Variants in MED12 observed in about 807,000 individuals in gnomAD.
MED12 encodes the protein mediator complex subunit 12.
MED12 carries 10 observed loss-of-function variants against 177.7 expected under a neutral mutation model. The observed-to-expected ratio is 0.06, with a 90% CI of 0.03 to 0.10. MED12 has a LOEUF of 0.10. Among genes scored for constraint, MED12 ranks in the 10% least tolerant of loss-of-function variants. MED12 has a pLI of 1.00. For missense variants in MED12, 867 were observed against 1,780.8 expected (o/e 0.49, Z 9.23); for synonymous variants, 641 against 678.4 (o/e 0.94, Z 0.86).
chrX:71,119,041 G>A, intron 1 of MED12, among the ~76,000 whole-genome samples, 188 bp downstream of exon 1: 1 of 108,511 alleles, frequency 9.2e-6, no homozygotes, highest in Middle Eastern at 4.7e-3. Flanking sequence ...GGTATGAATA[G>A]GGGGTGGTGT....
chrX:71,123,032 T>C lies in MED12; in HGVS notation c.1486-63T>C. 2.5e-6 allele frequency: 3 copies of C among 1,194,461 alleles called. No homozygotes were observed. The South Asian group carries it at 5.3e-5, about 21-fold the overall frequency. Reference sequence around the variant, plus strand: ...ATGATAGAGCCCAGTCTTTAGGAAATTGGAACTCATTTCTTTGTCCCCACC... The same window carrying C: ...ATGATAGAGCCCAGTCTTTAGGAAACTGGAACTCATTTCTTTGTCCCCACC... On this transcript the variant is annotated intron_variant, in intron 10 of 44. Transcript: ENST00000374080.
At chrX:71,133,577 G>A (rs893130870) in intron 33 of MED12, among the ~76,000 whole-genome samples, 6 of 110,507 alleles carry the variant, frequency 5.4e-5, no homozygotes, top group Admixed American at 3.8e-4. Context: ...CAAATGATCC[G>A]TCTGTCTCGG....
intron 24 of MED12, 179 bp from the exon 25 acceptor site, chrX:71,128,935 C>T (rs2092309894): frequency 1.6e-5 from 9 of 556,582 alleles, no homozygotes; most frequent in South Asian, 7.7e-5. Context: ...CCTTCAACTG[C>T]GTAACAGTTC....
Position 71,134,403 on chromosome X carries a change from C to T in MED12, c.4664C>T (p.Thr1555Met), listed in dbSNP as rs1436223575. The T allele has an allele frequency of 1.7e-6, 2 of 1,169,562 alleles. No individual in the cohort carries two copies. Among genetic ancestry groups the T allele is most frequent in the Non-Finnish European group, 2.3e-6 (2 of 872,336 alleles). The change falls in exon 34 of 45, where the codon ACG becomes ATG. Residue 1555 changes from threonine to methionine, a missense_variant. By Grantham distance (81) the Thr-to-Met change is moderately conservative. Around this residue, in one of 14 missense-constraint regions of MED12, gnomAD observed 34 missense variants for 58.9 expected, o/e 0.58. Transcript: ENST00000374080. Reference protein sequence around the residue: ...DTVQRSTQQTTEWAMLLLEII... With the variant: ...DTVQRSTQQTMEWAMLLLEII... Reference sequence around the variant, plus strand: ...GTGCAGCGCAGCACCCAGCAGACCACGGAGTGGGCCATGCTCCTCCTGGAG... The same window carrying T: ...GTGCAGCGCAGCACCCAGCAGACCATGGAGTGGGCCATGCTCCTCCTGGAG...
intron 24 of MED12, 151 bp from the exon 25 acceptor site, chrX:71,128,963 T>A: frequency 1.7e-6 from 1 of 573,035 alleles, no homozygotes. Flanking sequence ...TACCTCGCTT[T>A]CAATATTATC....
At position 71,122,619 on chromosome X, in the gene MED12, A is replaced by G; in HGVS notation, c.1348+12A>G. 1 of 1,202,432 alleles carries G rather than the reference A, an allele frequency of 8.3e-7. No homozygotes were observed. On this transcript the variant is annotated intron_variant, in intron 9 of 44. Coordinates refer to ENST00000374080, the MANE Select transcript of MED12 (RefSeq NM_005120.3). ...GGAAGCTACTGCAGGTATGTGTCAG[A>G]GAACAGATAATAGGAAATATGTTTG...
At chrX:71,138,081 C>T (rs2092337067) in intron 41 of MED12, 138 bp downstream of exon 41, 1 of 599,421 alleles carries the variant, frequency 1.7e-6, no homozygotes, top group South Asian at 2.4e-5. Flanking sequence ...GCCACATAGC[C>T]CATAACCACA....
At chrX:71,127,720 T>C in intron 21 of MED12, 173 bp from the exon 22 acceptor site, 1 of 499,304 alleles carries the variant, frequency 2.0e-6, no homozygotes, top group South Asian at 2.9e-5. Context: ...CAGTTCCTTA[T>C]TCCCATGTGG....
chrX:71,126,212 T>G (rs1482379861), intron 18 of MED12, 58 bp downstream of exon 18: 1 of 1,160,584 alleles, frequency 8.6e-7, no homozygotes, highest in East Asian at 3.0e-5. Flanking sequence ...TGTTTTCCTT[T>G]TCTTCCCTAT....
At chrX:71,142,012 G>A in intron 44 of MED12, 48 bp downstream of exon 44, 1 of 1,171,856 alleles carries the variant, frequency 8.5e-7, no homozygotes, top group Non-Finnish European at 1.2e-6. Flanking sequence ...ATAAATTTAG[G>A]GGGCGGGGTG....
intron 35 of MED12, 98 bp downstream of exon 35, chrX:71,134,946 C>G (rs2147822927): frequency 8.6e-7 from 1 of 1,166,040 alleles, no homozygotes; most frequent in Non-Finnish European, 1.2e-6. Context: ...CTTTCCTTCT[C>G]ACGTCTGCCT....
chrX:71,121,726 A>C lies in MED12; in HGVS notation c.1011A>C (p.Pro337=), dbSNP rs749348331. The part of the protein sequence containing the change: ...TLPTTPAPQP[P]TSSTPSTPFS... ...CCACCACCCCTGCTCCTCAGCCCCC[A>C]ACTAGCAGCACACCCTCGACTCCCT... is the stretch of plus-strand genomic sequence containing the variant. Residue 337 remains proline, a synonymous_variant, in exon 7 of 45, where the codon CCA becomes CCC. Coordinates refer to ENST00000374080, the MANE Select transcript of MED12 (RefSeq NM_005120.3). The C allele has an allele frequency of 2.5e-6, 3 of 1,209,091 alleles. No homozygotes were observed. The African/African-American group carries it at 5.3e-5, about 21-fold the overall frequency.
At chrX:71,140,984 C>A in intron 42 of MED12, 127 bp downstream of exon 42, 2 of 1,148,810 alleles carry the variant, frequency 1.7e-6, no homozygotes, top group Non-Finnish European at 2.3e-6. Context: ...CGGCTGGCCT[C>A]TAGTGGTGCT....
intron 2 of MED12, 48 bp downstream of exon 2, chrX:71,119,525 A>G: frequency 9.0e-7 from 1 of 1,115,987 alleles, no homozygotes; most frequent in Non-Finnish European, 1.2e-6. Context: ...AGAATCTAAG[A>G]AGGAGCAAAG....
chrX:71,136,131 C>A, intron 36 of MED12, 150 bp from the exon 37 acceptor site: 1 of 666,630 alleles, frequency 1.5e-6, no homozygotes, highest in Non-Finnish European at 2.4e-6. Context: ...CTCTCTTCCG[C>A]ATGTATATGT....
chrX:71,137,797 C>T lies in MED12; in HGVS notation c.5898C>T (p.Pro1966=). Residue 1966 remains proline (P), a synonymous_variant, in exon 41 of 45, where the codon CCC becomes CCT. Coordinates refer to ENST00000374080, the MANE Select transcript of MED12 (RefSeq NM_005120.3). The part of the protein sequence containing the change: ...HTGPAGTMVP[P]SYSSQPYQST... The stretch of plus-strand genomic sequence containing the variant: ...GCCCTGCAGGTACCATGGTGCCCCC[C>T]AGCTACTCCAGCCAGCCTTACCAGA... The T allele has an allele frequency of 8.3e-7, 1 of 1,211,473 alleles. No homozygotes were observed.
In MED12 at chrX:71,119,734, A is replaced by T; in HGVS notation, c.253A>T (p.Thr85Ser). Residue 85 changes from threonine (T) to serine (S), a missense_variant, in exon 3 of 45, where the codon ACC (threonine) becomes TCC (serine). This residue lies in a region of MED12 where 42 missense variants were observed against 129.6 expected (regional missense o/e 0.32). Transcript: ENST00000374080. ...SIIAEKLRCN[T>S]LPDTGRRKPQ... ...TATTGCAGAGAAATTACGTTGTAAT[A>T]CCCTTCCTGACACTGGTCGCAGGAA... 2.5e-6 allele frequency: 3 copies of T among 1,210,911 alleles called. No individual in the cohort carries two copies. Among genetic ancestry groups the T allele is most frequent in the Non-Finnish European group, 3.4e-6 (3 of 895,085 alleles).
At position 71,123,588 on chromosome X, in the gene MED12, T is replaced by C. The variant is rs1164646256; in HGVS notation, c.1618-6T>C. On this transcript the variant is annotated splice_region_variant and splice_polypyrimidine_tract_variant and intron_variant, in intron 11 of 44. Coordinates refer to ENST00000374080, the MANE Select transcript of MED12 (RefSeq NM_005120.3). The stretch of plus-strand genomic sequence containing the variant: ...CAGTTCTACAATTTGTTCTGTCATC[T>C]TGCAGCGTTGTGGAGAATCAGAAGC... 8.3e-7 allele frequency: 1 copy of C among 1,209,505 alleles called. No homozygotes were observed. The highest frequency in any genetic ancestry group is 1.1e-6 in the Non-Finnish European group (1 of 895,028).
At chrX:71,131,964 A>G (rs1728863940) in intron 29 of MED12, 109 bp from the exon 30 acceptor site, 5 of 727,888 alleles carry the variant, frequency 6.9e-6, no homozygotes, top group Middle Eastern at 2.9e-4. Flanking sequence ...CTCCCCATCA[A>G]TCTCCGCCAG....
Sources: allele counts gnomAD v4.1 joint callset (sites outside exome capture counted in the v4.1 genomes callset), GRCh38; gene constraint gnomAD v4.1.1; regional missense constraint gnomAD v4.1.1; transcripts MANE v1.5; gene names NCBI Gene and HGNC (gene_info 2026-07-23, HGNC 2026-07-21).